The following FANCC variants were observed in gnomAD, a reference collection of about 807,000 sequenced individuals.
FANCC encodes the protein Fanconi anemia group C protein.
In FANCC, 55 loss-of-function variants were observed where a neutral mutation model predicts 71.3. That is an observed-to-expected ratio of 0.77 (90% CI 0.62 to 0.97). The LOEUF (loss-of-function observed/expected upper bound fraction) is 0.97. Among genes scored for constraint, FANCC ranks in the 50% least tolerant of loss-of-function variants. The pLI is 0.00. For synonymous variants in FANCC, 275 were observed against 244.9 expected, an observed-to-expected ratio of 1.12 and a Z score of -1.15; for missense variants, 678 against 670.9, an observed-to-expected ratio of 1.01 and a Z score of -0.12.
chr9:95,303,799 T>C (rs988411276), intron 1 of FANCC, among the ~76,000 whole-genome samples: 5 of 152,180 alleles, frequency 3.3e-5, no homozygotes, highest in Admixed American at 3.3e-4. Context: ...CTTCAACTTA[T>C]GAATGGGGGA....
At chr9:95,208,077 C>CTTTTTT (rs58961733) in intron 4 of FANCC, among the ~76,000 whole-genome samples, 2 of 47,612 alleles carry the variant, frequency 4.2e-5, no homozygotes, top group African/African-American at 9.5e-5. Context: ...ATCCAGAAGC[C>CTTTTTT]TTTTTTTTTT....
chr9:95,209,024 T>C (rs935478515), intron 4 of FANCC, among the ~76,000 whole-genome samples: 3 of 152,150 alleles, frequency 2.0e-5, no homozygotes, highest in Non-Finnish European at 4.4e-5. Context: ...TGACCTTCGG[T>C]AGGTGAATGG....
At chr9:95,296,208 T>C (rs554204943) in intron 1 of FANCC, among the ~76,000 whole-genome samples, 10 of 152,328 alleles carry the variant, frequency 6.6e-5, no homozygotes, top group African/African-American at 2.2e-4. Flanking sequence ...AAGGATCTAC[T>C]GCACAATATA....
At chr9:95,231,813 T>C (rs572215764) in intron 4 of FANCC, among the ~76,000 whole-genome samples, 1 of 152,340 alleles carries the variant, frequency 6.6e-6, no homozygotes, top group African/African-American at 2.4e-5. Context: ...ATAAAGGTAT[T>C]ACTTGAAGGC....
At chr9:95,141,188 T>C (rs1398766990) in intron 7 of FANCC, among the ~76,000 whole-genome samples, 1 of 151,762 alleles carries the variant, frequency 6.6e-6, no homozygotes, top group Non-Finnish European at 1.5e-5. Context: ...GGCACATGCC[T>C]GTAGTCCCAG....
intron 1 of FANCC, among the ~76,000 whole-genome samples, chr9:95,257,779 C>T (rs967947923): frequency 6.6e-6 from 1 of 151,940 alleles, no homozygotes; most frequent in East Asian, 1.9e-4. Flanking sequence ...ATAGATAGAC[C>T]GCTAGTCAGA....
In FANCC at chr9:95,142,980, A is replaced by C. The variant is rs565736741; in HGVS notation, c.686+6943T>G. On this transcript the variant is annotated intron_variant, in intron 7 of 14. Transcript: ENST00000289081. ...CACACACCCCACAGGTTAAGGGCTC[A>C]GTCCCACAAGACTGCCCCCACTTCA... 2.1e-4 allele frequency among the ~76,000 whole-genome samples: 32 copies of C among 152,334 alleles called. No individual in the cohort carries two copies. In the East Asian group the frequency reaches 6.2e-3, roughly 29 times the overall value.
At position 95,099,129 on chromosome 9, in the gene FANCC, C is replaced by G. The variant is rs2070999496; in HGVS notation, c.*2578G>C. 1 of 210,940 alleles carries G rather than the reference C, an allele frequency of 4.7e-6. No homozygotes were observed. The highest frequency in any genetic ancestry group is 9.6e-6 in the Non-Finnish European group (1 of 104,092). The allele number at this position is 210,940 out of a possible 1,614,324, so 13.1% of individuals were successfully genotyped here. On this transcript the variant is annotated 3_prime_UTR_variant, in exon 15 of 15. Coordinates refer to ENST00000289081, the MANE Select transcript of FANCC (RefSeq NM_000136.3). ...ACAGATTTTAAAGAGCTAAAAAATT[C>G]CACAGATGTCACGGAGTCCAGGGGA...
Position 95,128,634 on chromosome 9 carries a change from G to C in FANCC, c.844-2053C>G, listed in dbSNP as rs139301508. Reference sequence around the variant, plus strand: ...TACTCAGTTTGTTAGAAGAGAGTGAGAGCTTAGATCTGCTCCTCTTCTGTG... The same window carrying C: ...TACTCAGTTTGTTAGAAGAGAGTGACAGCTTAGATCTGCTCCTCTTCTGTG... On this transcript the variant is annotated intron_variant, in intron 8 of 14. Transcript: ENST00000289081. Among the ~76,000 whole-genome samples the C allele has an allele frequency of 3.6e-3, 551 of 152,328 alleles. 4 individuals carry two copies. The highest frequency in any genetic ancestry group is 0.012 in the African/African-American group (493 of 41,574).
chr9:95,155,335 A>AAGGGAGGAAGGG (rs1399459602), intron 6 of FANCC, among the ~76,000 whole-genome samples: 2 of 28,094 alleles, frequency 7.1e-5, no homozygotes, highest in East Asian at 3.8e-3. Flanking sequence ...GGGAGGAAGG[A>AAGGGAGGAAGGG]AGGGAGGAAG....
At chr9:95,149,675 C>CA (rs1009561090) in intron 7 of FANCC, among the ~76,000 whole-genome samples, 1 of 152,054 alleles carries the variant, frequency 6.6e-6, no homozygotes, top group African/African-American at 2.4e-5. Context: ...GACAGGGTTT[C>CA]ACCATGTTGG....
At chr9:95,134,197 A>G (rs555389056) in intron 8 of FANCC, among the ~76,000 whole-genome samples, 2 of 152,316 alleles carry the variant, frequency 1.3e-5, no homozygotes, top group South Asian at 4.1e-4. Context: ...CAAGGGGAGA[A>G]ACGGGATCGC....
chr9:95,269,070 T>C (rs1832571761), intron 1 of FANCC, among the ~76,000 whole-genome samples: 2 of 152,214 alleles, frequency 1.3e-5, no homozygotes, highest in South Asian at 4.1e-4. Flanking sequence ...TCTCTTTCTT[T>C]TAAAACTAGA....
chr9:95,141,443 T>C (rs188129037), intron 7 of FANCC, among the ~76,000 whole-genome samples: 1 of 152,204 alleles, frequency 6.6e-6, no homozygotes, highest in East Asian at 1.9e-4. Context: ...TCCTTGGTAT[T>C]ATGCTGACTT....
intron 4 of FANCC, among the ~76,000 whole-genome samples, chr9:95,185,816 T>C (rs1047404428): frequency 3.3e-5 from 5 of 152,154 alleles, no homozygotes; most frequent in Admixed American, 3.3e-4. Context: ...TCGGAAACAC[T>C]TGTCCCCATT....
chr9:95,309,603 A>C (rs1181550394), intron 1 of FANCC, among the ~76,000 whole-genome samples: 1 of 152,228 alleles, frequency 6.6e-6, no homozygotes, highest in East Asian at 1.9e-4. Context: ...TAATCTGCAT[A>C]CATTGTAAAT....
intron 1 of FANCC, among the ~76,000 whole-genome samples, chr9:95,270,027 A>G (rs1323081896): frequency 6.6e-6 from 1 of 152,140 alleles, no homozygotes; most frequent in Non-Finnish European, 1.5e-5. Context: ...TTGACACAGC[A>G]CATGTTTCAG....
At chr9:95,290,994 T>C (rs1319182305) in intron 1 of FANCC, among the ~76,000 whole-genome samples, 5 of 152,104 alleles carry the variant, frequency 3.3e-5, no homozygotes, top group Admixed American at 6.6e-5. Context: ...ATCATCTCAA[T>C]AGATGCAGAA....
rs571523032 is a variant in FANCC, at chr9:95,099,654, G to A, written c.*2053C>T. The A allele has an allele frequency of 4.3e-6, 1 of 231,692 alleles. No homozygotes were observed. The highest frequency in any genetic ancestry group is 1.8e-4 in the South Asian group (1 of 5,480). 14.4% of individuals were successfully genotyped at this position (231,692 alleles called of 1,614,324 possible). On this transcript the variant is annotated 3_prime_UTR_variant, in exon 15 of 15. Coordinates refer to ENST00000289081, the MANE Select transcript of FANCC (RefSeq NM_000136.3). ...AAGGGCAAAGGGCCACATGAAGCCA[G>A]CAGGCACTTCAGTGCCACGTCCCCA...
Sources: gnomAD v4.1 joint callset for allele counts (sites outside exome capture counted in the v4.1 genomes callset) on GRCh38, gnomAD v4.1.1 for gene constraint, MANE v1.5 for transcripts, NCBI Gene and HGNC (gene_info 2026-07-23, HGNC 2026-07-21) for gene names.